The following DIABLO variants were observed in gnomAD, a reference collection of about 807,000 sequenced individuals.
The protein encoded by DIABLO is diablo IAP-binding mitochondrial protein.
DIABLO carries 32 observed loss-of-function variants against 31.7 expected under a neutral mutation model. The ratio of observed to expected loss-of-function variants is 1.01; its 90% CI spans 0.76 to 1.35. The LOEUF (loss-of-function observed/expected upper bound fraction) is 1.35. Ranked by LOEUF, DIABLO falls within the 40% of genes most tolerant of loss-of-function variation. The pLI is 0.00. For synonymous variants in DIABLO, 132 were observed against 103.2 expected, an observed-to-expected ratio of 1.28 and a Z score of -1.69; for missense variants, 316 against 286.4, an observed-to-expected ratio of 1.10 and a Z score of -0.75.
intron 5 of DIABLO, among the ~76,000 whole-genome samples, chr12:122,214,935 C>A (rs1208847535): frequency 6.6e-6 from 1 of 152,108 alleles, no homozygotes; most frequent in Non-Finnish European, 1.5e-5. Flanking sequence ...AAGTGACCCA[C>A]CTCAAGTGAT....
Position 122,216,840 on chromosome 12 carries a change from T to C in DIABLO, c.345A>G (p.Arg115=). Residue 115 remains arginine, a synonymous_variant, in exon 4 of 6, where the codon CGA becomes CGG. Transcript: ENST00000464942. ...KAVYTLTSLY[R]QYTSLLGKMN... is the part of the protein sequence containing the mutation. ...TTTTCCCAAGTAAACTTGTATATTG[T>C]CGGTAAAGAGAAGTTAAGGTATAAA... 6.2e-7 allele frequency: 1 copy of C among 1,614,108 alleles called. No homozygotes were observed. The highest frequency in any genetic ancestry group is 2.2e-5 in the East Asian group (1 of 44,874).
At chr12:122,226,155 AG>A (rs776259369), upstream of DIABLO, 3 of 1,249,738 alleles carry the variant, frequency 2.4e-6, no homozygotes, top group South Asian at 1.3e-5. Context: ...TTGGGCAGGC[AG>A]GGGGAAAGGG....
intron 5 of DIABLO, among the ~76,000 whole-genome samples, chr12:122,215,301 G>A (rs934754142): frequency 1.1e-4 from 17 of 151,996 alleles, no homozygotes; most frequent in Non-Finnish European, 1.5e-4. Context: ...AAATTTGGCC[G>A]GACACAGTGG....
chr12:122,226,037 C>G lies in DIABLO; in HGVS notation c.-23G>C. On this transcript the variant is annotated 5_prime_UTR_variant, in exon 1 of 6. Transcript: ENST00000464942. ...CATTGTGCAGCGCGCGGACGCCAGA[C>G]GCACACGCCGGAAGTGACGCAGCTT... 2 of 1,597,250 alleles carry G rather than the reference C, an allele frequency of 1.3e-6. No homozygotes were observed. The highest frequency in any genetic ancestry group is 2.2e-5 in the South Asian group (2 of 89,106).
At chr12:122,217,269 T>C (rs1322648094) in intron 3 of DIABLO, 1 of 255,892 alleles carries the variant, frequency 3.9e-6, no homozygotes, top group Non-Finnish European at 7.6e-6. Flanking sequence ...TCCTAGCACT[T>C]TGGGAGGCTA....
chr12:122,208,612 G>T, intron 5 of DIABLO, 35 bp from the exon 6 acceptor site: 3 of 1,602,786 alleles, frequency 1.9e-6, no homozygotes, highest in Non-Finnish European at 2.5e-6. Flanking sequence ...TTGAGCAGCC[G>T]TGCAGGGCGC....
At chr12:122,215,030 A>G (rs1490606234) in intron 5 of DIABLO, among the ~76,000 whole-genome samples, 1 of 152,198 alleles carries the variant, frequency 6.6e-6, no homozygotes, top group East Asian at 1.9e-4. Context: ...GTACTAAGCT[A>G]TAACTTTGGT....
chr12:122,225,536 G>A (rs1320649421), intron 1 of DIABLO: 2 of 1,099,106 alleles, frequency 1.8e-6, no homozygotes, highest in Non-Finnish European at 2.2e-6. Context: ...CCAGGAGCCT[G>A]CAGCGCTAGG....
chr12:122,226,550 G>A (rs1399310781), upstream of DIABLO: 2 of 698,496 alleles, frequency 2.9e-6, no homozygotes, highest in Admixed American at 4.0e-5. Flanking sequence ...CGTGGACGGT[G>A]GACGAGGCCG....
rs751808040 is a variant in DIABLO at position 122,208,290 on chromosome 12, G to A, written c.*91C>T. 2 of 1,488,590 alleles carry A rather than the reference G, an allele frequency of 1.3e-6. No homozygotes were observed. Among genetic ancestry groups the A allele is most frequent in the African/African-American group, 1.4e-5 (1 of 72,316 alleles). 92.2% of individuals were successfully genotyped at this position (1,488,590 alleles called of 1,614,324 possible). A position where few individuals can be genotyped will look rare whatever the true frequency, so the allele number is the denominator to read the frequency against. The stretch of plus-strand genomic sequence containing the variant: ...GGGCAGGATCTGCCGCCTCTTCTCG[G>A]TGCACAGACAGTCATGCCAACCCTG... On this transcript the variant is annotated 3_prime_UTR_variant, in exon 6 of 6. Transcript: ENST00000464942.
Position 122,212,014 on chromosome 12 carries a change from A to T in DIABLO, c.524-3437T>A, listed in dbSNP as rs7133615. On this transcript the variant is annotated intron_variant, in intron 5 of 5. Transcript: ENST00000464942. Reference sequence around the variant, plus strand: ...CCTATAATTTTTTTTTTTTTTTTTTAAATTACAGATGGAGTTTTGCCATGT... The same window carrying T: ...CCTATAATTTTTTTTTTTTTTTTTTTAATTACAGATGGAGTTTTGCCATGT... 6.5e-3 allele frequency among the ~76,000 whole-genome samples: 765 copies of T among 117,790 alleles called. 8 individuals are homozygous for T. The highest frequency in any genetic ancestry group is 0.022 in the African/African-American group (689 of 31,290). 77.3% of individuals were successfully genotyped at this position (117,790 alleles called of 152,430 possible).
At chr12:122,226,463 G>T (rs1466853823), upstream of DIABLO, 2 of 699,260 alleles carry the variant, frequency 2.9e-6, no homozygotes, top group Admixed American at 4.0e-5. Flanking sequence ...TGGTCCAGCC[G>T]GCCAGCAGCA....
Position 122,218,415 on chromosome 12 carries a change from T to C in DIABLO, c.184-18A>G. ...TCTGATTTCTGAAAGACACAAACAT[T>C]GTCACTCAACCTCTAAAGCTCAAAC... On this transcript the variant is annotated intron_variant, in intron 2 of 5. Transcript: ENST00000464942. The C allele has an allele frequency of 1.2e-6, 2 of 1,613,958 alleles. No individual in the cohort carries two copies. The highest frequency in any genetic ancestry group is 1.1e-5 in the South Asian group (1 of 91,086).
upstream of DIABLO, chr12:122,227,333 C>T (rs528536998): frequency 6.4e-5 from 29 of 452,368 alleles, no homozygotes; most frequent in Admixed American, 6.1e-4. Flanking sequence ...GCACTGGCTT[C>T]CTTCTCTCCC....
intron 5 of DIABLO, among the ~76,000 whole-genome samples, chr12:122,214,589 C>A (rs1458198405): frequency 6.6e-6 from 1 of 152,118 alleles, no homozygotes; most frequent in Non-Finnish European, 1.5e-5. Flanking sequence ...ATACGCCCAG[C>A]TAATTTTTGT....
At chr12:122,218,205 G>A in intron 3 of DIABLO, 61 bp downstream of exon 3, 1 of 1,592,330 alleles carries the variant, frequency 6.3e-7, no homozygotes, top group Non-Finnish European at 8.6e-7. Context: ...ACACAATTTG[G>A]TTGTGAGCCA....
chr12:122,219,375 G>A (rs1291013745), intron 2 of DIABLO, among the ~76,000 whole-genome samples: 2 of 152,214 alleles, frequency 1.3e-5, no homozygotes, highest in Non-Finnish European at 2.9e-5. Flanking sequence ...AAACACAGGT[G>A]TAGGGGTAGA....
At position 122,224,555 on chromosome 12, in the gene DIABLO, G is replaced by A. The variant is rs1162630400; in HGVS notation, c.140C>T (p.Thr47Met). Residue 47 changes from threonine to methionine, a missense_variant, in exon 2 of 6, where the codon ACG becomes ATG. Transcript: ENST00000464942. ...ACACAGGGTTACTCCAAAGCCAATC[G>A]TCACAGTTTTGTGCCATGGTCTTAT... Reference protein sequence around the residue: ...ELIRPWHKTVTIGFGVTLCAV... With the variant: ...ELIRPWHKTVMIGFGVTLCAV... The A allele has an allele frequency of 1.9e-6, 3 of 1,613,604 alleles. No homozygotes were observed. The highest frequency in any genetic ancestry group is 1.3e-5 in the African/African-American group (1 of 74,728).
At chr12:122,223,529 T>C (rs997911059) in intron 2 of DIABLO, among the ~76,000 whole-genome samples, 8 of 152,078 alleles carry the variant, frequency 5.3e-5, no homozygotes, top group Non-Finnish European at 1.0e-4. Context: ...CACAATCTGA[T>C]TATCAGTTAA....
Sources: allele counts gnomAD v4.1 joint callset (sites outside exome capture counted in the v4.1 genomes callset), GRCh38; gene constraint gnomAD v4.1.1; transcripts MANE v1.5; gene names NCBI Gene and HGNC (gene_info 2026-07-23, HGNC 2026-07-21).